DOCK4: variants seen among roughly 807,000 people sequenced by gnomAD.
The protein encoded by DOCK4 is dedicator of cytokinesis 4.
Under a neutral mutation model 268.1 loss-of-function variants are expected in DOCK4, and 97 were observed. The ratio of observed to expected loss-of-function variants is 0.36; its 90% CI spans 0.31 to 0.43. The LOEUF is 0.43. Ranked by LOEUF, DOCK4 falls within the 20% of genes least tolerant of loss-of-function variation. The pLI, the probability that DOCK4 is intolerant of heterozygous loss-of-function variation, is 1.00. For synonymous variants in DOCK4, 954 were observed against 887.2 expected (o/e 1.08, Z -1.34); for missense variants, 2,145 against 2,455.7 (o/e 0.87, Z 2.67).
Position 111,989,068 on chromosome 7 carries a change from G to C in DOCK4, c.411C>G (p.Asp137Glu), listed in dbSNP as rs754913532. ...RQVLVGHLTHDRMKDVKRHIT... is the reference protein window; with the variant it reads ...RQVLVGHLTHERMKDVKRHIT... ...TGTGGCGCTTCACGTCCTTCATCCG[G>C]TCGTGGGTGAGGTGGCCCACCAGCA... Residue 137 changes from aspartate to glutamate, a missense_variant, in exon 6 of 53, where the codon GAC (aspartate) becomes GAG (glutamate). Around this residue, in one of 2 missense-constraint regions of DOCK4, gnomAD observed 1,598 missense variants for 1,986.7 expected, o/e 0.80. Transcript: ENST00000428084. 7 of 1,613,954 alleles carry C rather than the reference G, an allele frequency of 4.3e-6. 1 individual carries two copies. The Admixed American group carries it at 1.2e-4, about 27-fold the overall frequency.
At chr7:111,868,266 T>A in intron 21 of DOCK4, 112 bp from the exon 22 acceptor site, 1 of 816,014 alleles carries the variant, frequency 1.2e-6, no homozygotes, top group Non-Finnish European at 1.8e-6. Context: ...ATTATTCATG[T>A]AGACACCAAG....
chr7:112,079,865 C>T (rs902459472), intron 1 of DOCK4, among the ~76,000 whole-genome samples: 1 of 152,128 alleles, frequency 6.6e-6, no homozygotes, highest in African/African-American at 2.4e-5. Flanking sequence ...TTTTCTACAG[C>T]CCCCAGAGGG....
chr7:111,933,298 A>ATT (rs376735342), intron 12 of DOCK4, among the ~76,000 whole-genome samples: 1,088 of 74,820 alleles, frequency 0.015, 123 homozygotes, highest in Non-Finnish European at 0.022. Context: ...ATATATATAT[A>ATT]TTTTTTTTTT....
intron 16 of DOCK4, among the ~76,000 whole-genome samples, chr7:111,893,383 A>G (rs1808453674): frequency 6.6e-6 from 1 of 152,196 alleles, no homozygotes; most frequent in South Asian, 2.1e-4. Context: ...CCTCAGACCC[A>G]TAGGTGACAG....
rs748813823 is a variant in DOCK4 at position 111,901,714 on chromosome 7, G to A, written c.1280C>T (p.Thr427Met). The change falls in exon 14 of 53, where the codon ACG becomes ATG. Residue 427 changes from threonine to methionine, a missense_variant. Around this residue, in one of 2 missense-constraint regions of DOCK4, gnomAD observed 1,598 missense variants for 1,986.7 expected, o/e 0.80. Transcript: ENST00000428084. ...GCCACTACTGTCTACAATGAACATC[G>A]TAACTTCCACATTTCTGGCCACGCT... Reference protein sequence around the residue: ...GKSVARNVEVTMFIVDSSGQT... With the variant: ...GKSVARNVEVMMFIVDSSGQT... 156 of 1,613,156 alleles carry A rather than the reference G, an allele frequency of 9.7e-5. No individual in the cohort carries two copies. The highest frequency in any genetic ancestry group is 6.9e-4 in the South Asian group (63 of 91,056).
At chr7:112,061,886 T>C (rs1806443822) in intron 1 of DOCK4, among the ~76,000 whole-genome samples, 1 of 152,064 alleles carries the variant, frequency 6.6e-6, no homozygotes, top group Non-Finnish European at 1.5e-5. Flanking sequence ...ATAATAGCAG[T>C]GGTAATGGAA....
At chr7:111,938,911 T>C (rs1055771637) in intron 11 of DOCK4, among the ~76,000 whole-genome samples, 1 of 147,032 alleles carries the variant, frequency 6.8e-6, no homozygotes, top group Non-Finnish European at 1.5e-5. Context: ...GAGGCGGAGG[T>C]TGCAGTGAGC....
intron 1 of DOCK4, among the ~76,000 whole-genome samples, chr7:112,078,853 C>T (rs372595304): frequency 6.6e-6 from 1 of 152,072 alleles, no homozygotes; most frequent in Middle Eastern, 3.2e-3. Flanking sequence ...CGGCCGGGTG[C>T]GGTGGCTCAC....
intron 5 of DOCK4, among the ~76,000 whole-genome samples, chr7:111,992,142 G>C (rs1047921840): frequency 6.6e-6 from 1 of 151,994 alleles, no homozygotes; most frequent in Non-Finnish European, 1.5e-5. Flanking sequence ...CCATTATTTA[G>C]GTCCTTGGCA....
At chr7:112,140,759 G>T (rs1472528871) in intron 1 of DOCK4, among the ~76,000 whole-genome samples, 2 of 151,428 alleles carry the variant, frequency 1.3e-5, no homozygotes, top group Non-Finnish European at 2.9e-5. Context: ...AAGAATCAAA[G>T]AAGGCTTTGG....
At chr7:111,771,345 G>A (rs1468209224) in intron 36 of DOCK4, among the ~76,000 whole-genome samples, 1 of 152,196 alleles carries the variant, frequency 6.6e-6, no homozygotes, top group East Asian at 1.9e-4. Context: ...TTCCAGGAAT[G>A]AGCAAGATGC....
chr7:111,857,800 C>G (rs1315017925), intron 23 of DOCK4, among the ~76,000 whole-genome samples: 1 of 152,212 alleles, frequency 6.6e-6, no homozygotes, highest in Non-Finnish European at 1.5e-5. Flanking sequence ...AACAACCTCT[C>G]TGCATCAAAT....
At chr7:112,134,943 G>A (rs1452855725) in intron 1 of DOCK4, among the ~76,000 whole-genome samples, 1 of 151,830 alleles carries the variant, frequency 6.6e-6, no homozygotes, top group Non-Finnish European at 1.5e-5. Flanking sequence ...TCCTTAACCA[G>A]TATTCACCTA....
intron 7 of DOCK4, among the ~76,000 whole-genome samples, chr7:111,978,158 C>G (rs1798349125): frequency 6.6e-6 from 1 of 152,208 alleles, no homozygotes; most frequent in Non-Finnish European, 1.5e-5. Flanking sequence ...CTAGGGGAAG[C>G]AGACATGAAC....
Position 111,803,095 on chromosome 7 carries a change from T to C in DOCK4, c.3166+5726A>G, listed in dbSNP as rs980483909. Among the ~76,000 whole-genome samples, 3 of 152,242 alleles carry C rather than the reference T, an allele frequency of 2.0e-5. No homozygotes were observed. The East Asian group carries it at 5.8e-4, about 29-fold the overall frequency. On this transcript the variant is annotated intron_variant, in intron 30 of 52. Coordinates refer to ENST00000428084, the MANE Select transcript of DOCK4 (RefSeq NM_001363540.2). ...AAACATGTCATGTATAGCTGGTTTC[T>C]TTCAATCACAATTCAAACAAGGTCC... is the stretch of plus-strand genomic sequence containing the variant.
At chr7:111,981,833 C>T (rs535628157) in intron 7 of DOCK4, among the ~76,000 whole-genome samples, 1 of 152,282 alleles carries the variant, frequency 6.6e-6, no homozygotes, top group African/African-American at 2.4e-5. Context: ...ACCCTGGAAT[C>T]TTAGCAACAC....
intron 36 of DOCK4, among the ~76,000 whole-genome samples, chr7:111,777,149 T>C (rs1243975893): frequency 6.6e-6 from 1 of 152,192 alleles, no homozygotes; most frequent in African/African-American, 2.4e-5. Flanking sequence ...TGACTGCATA[T>C]TTCTTGCTAG....
chr7:112,161,522 C>A (rs1817127202), intron 1 of DOCK4, among the ~76,000 whole-genome samples: 1 of 152,154 alleles, frequency 6.6e-6, no homozygotes, highest in Non-Finnish European at 1.5e-5. Context: ...TGGGATCTGT[C>A]TTTATCATTG....
At position 111,895,294 on chromosome 7, in the gene DOCK4, G is replaced by A. The variant is rs558013811; in HGVS notation, c.1587+318C>T. Among the ~76,000 whole-genome samples the A allele has an allele frequency of 3.9e-5, 6 of 152,108 alleles. No individual in the cohort carries two copies. The South Asian group carries it at 6.2e-4, about 16-fold the overall frequency. ...TACACAGACCTAGATAAGAAAGCGC[G>A]TAATGTAGTATTTAAAAAGTTATTT... On this transcript the variant is annotated intron_variant, in intron 16 of 52. Transcript: ENST00000428084.
Sources: allele counts gnomAD v4.1 joint callset (sites outside exome capture counted in the v4.1 genomes callset), GRCh38; gene constraint gnomAD v4.1.1; regional missense constraint gnomAD v4.1.1; transcripts MANE v1.5; gene names NCBI Gene and HGNC (gene_info 2026-07-23, HGNC 2026-07-21).